Variants in METTL15 observed in about 807,000 individuals in gnomAD.
METTL15 encodes the protein 12S rRNA N(4)-cytidine methyltransferase METTL15.
In METTL15, 34 loss-of-function variants were observed where a neutral mutation model predicts 38.3. The observed-to-expected ratio is 0.89, with a 90% confidence interval of 0.68 to 1.18. The LOEUF is 1.18. Ranked by LOEUF, METTL15 falls within the 50% of genes most tolerant of loss-of-function variation. The probability of loss-of-function intolerance (pLI) is 0.00; values close to 1 mark genes in which losing one functional copy is unlikely to be tolerated. For missense variants in METTL15, 438 were observed against 498.4 expected, an observed-to-expected ratio of 0.88 and a Z score of 1.15; for synonymous variants, 162 against 170.9, an observed-to-expected ratio of 0.95 and a Z score of 0.41.
intron 5 of METTL15, among the ~76,000 whole-genome samples, chr11:28,366,762 T>C (rs889215670): frequency 2.6e-5 from 4 of 152,146 alleles, no homozygotes; most frequent in African/African-American, 9.7e-5. Flanking sequence ...TGCCAACCCA[T>C]ATTTAAATAG....
At chr11:28,165,713 T>TA (rs35905444) in intron 3 of METTL15, among the ~76,000 whole-genome samples, 17 of 151,188 alleles carry the variant, frequency 1.1e-4, no homozygotes, top group East Asian at 3.9e-4. Context: ...CAGGGTTGTA[T>TA]AAAAAAAAAA....
intron 4 of METTL15, among the ~76,000 whole-genome samples, chr11:28,359,907 T>C (rs1457264869): frequency 6.6e-6 from 1 of 152,208 alleles, no homozygotes; most frequent in African/African-American, 2.4e-5. Context: ...ACTTGAGTGA[T>C]TTTTGAGAGG....
intron 3 of METTL15, among the ~76,000 whole-genome samples, chr11:28,184,359 C>G (rs1354191390): frequency 6.6e-6 from 1 of 151,892 alleles, no homozygotes; most frequent in Non-Finnish European, 1.5e-5. Context: ...GTTAGAGTGT[C>G]AATTTTAGAT....
At position 28,478,787 on chromosome 11, in the gene METTL15, C is replaced by A. The variant is rs544049635; in HGVS notation, c.*425-47691C>A. Among the ~76,000 whole-genome samples, 6 of 152,182 alleles carry A rather than the reference C, an allele frequency of 3.9e-5. No homozygotes were observed. The South Asian group carries it at 6.2e-4, about 16-fold the overall frequency. ...CTATTATTGCTATTTTACAAATGAT[C>A]TTCTAGTTTTTGGGAGGTTCCAAGG... On this transcript the variant is annotated intron_variant and NMD_transcript_variant, in intron 6 of 7. Transcript: ENST00000532947.
chr11:28,361,155 A>C (rs1379763344), intron 4 of METTL15, among the ~76,000 whole-genome samples: 3 of 151,050 alleles, frequency 2.0e-5, no homozygotes, highest in African/African-American at 4.9e-5. Flanking sequence ...CATGATTTAT[A>C]GTCCTTTGGG....
chr11:28,209,840 T>G (rs1056827188), intron 3 of METTL15, among the ~76,000 whole-genome samples: 1 of 152,058 alleles, frequency 6.6e-6, no homozygotes, highest in Non-Finnish European at 1.5e-5. Context: ...GAATTTCCCT[T>G]GTTATGTACT....
At chr11:28,484,527 C>T (rs1268680562) in intron 6 of METTL15, among the ~76,000 whole-genome samples, 1 of 152,146 alleles carries the variant, frequency 6.6e-6, no homozygotes, top group African/African-American at 2.4e-5. Context: ...TGCCTTGCCC[C>T]TCCTTTTCTC....
chr11:28,330,688 T>C lies in METTL15; in HGVS notation c.1071T>C (p.Gly357=), dbSNP rs1261544629. 7 of 1,551,426 alleles carry C rather than the reference T, an allele frequency of 4.5e-6. No individual in the cohort carries two copies. The South Asian group carries it at 5.9e-5, about 13-fold the overall frequency. The change falls in exon 7 of 7, where the codon GGT becomes GGC. Residue 357 remains glycine (G), a synonymous_variant. Transcript: ENST00000407364. Reference sequence around the variant, plus strand: ...AAGTGATGAAAACATCTCAATTGGGTTCAGATCACGAAAACACGGAAGAAG... The same window carrying C: ...AAGTGATGAAAACATCTCAATTGGGCTCAGATCACGAAAACACGGAAGAAG... ...RQQVMKTSQL[G]SDHENTEEVS... is the part of the protein sequence containing the mutation.
intron 3 of METTL15, chr11:28,163,895 T>C (rs903882982): frequency 6.5e-6 from 1 of 152,752 alleles, no homozygotes; most frequent in Non-Finnish European, 1.5e-5. Flanking sequence ...ATTTTTCAAA[T>C]TATGATTTAT....
At chr11:28,531,175 C>G (rs944618468), downstream of METTL15, among the ~76,000 whole-genome samples, 1 of 151,990 alleles carries the variant, frequency 6.6e-6, no homozygotes, top group Non-Finnish European at 1.5e-5. Flanking sequence ...CAATTGATTA[C>G]TATATAATCT....
chr11:28,189,838 G>T (rs1384018862), intron 3 of METTL15, among the ~76,000 whole-genome samples: 1 of 151,200 alleles, frequency 6.6e-6, no homozygotes, highest in Non-Finnish European at 1.5e-5. Flanking sequence ...TCAACAAAAT[G>T]AAGGAAGTAA....
At chr11:28,191,970 G>A (rs999680311) in intron 3 of METTL15, among the ~76,000 whole-genome samples, 1 of 151,592 alleles carries the variant, frequency 6.6e-6, no homozygotes, top group Non-Finnish European at 1.5e-5. Flanking sequence ...GGTATACTCA[G>A]TGTTTATATA....
downstream of METTL15, among the ~76,000 whole-genome samples, chr11:28,528,510 CA>C (rs1418220293): frequency 1.3e-5 from 2 of 152,186 alleles, no homozygotes; most frequent in African/African-American, 4.8e-5. Context: ...TTACTGAGAA[CA>C]AACTGAACCC....
intron 6 of METTL15, among the ~76,000 whole-genome samples, chr11:28,483,087 A>C (rs997637160): frequency 2.0e-5 from 3 of 152,048 alleles, no homozygotes; most frequent in Non-Finnish European, 4.4e-5. Flanking sequence ...TGTATTTTTT[A>C]CTAGAAAAAA....
In METTL15 at chr11:28,471,455, T is replaced by G. The variant is rs146179140; in HGVS notation, c.*424+47091T>G. Among the ~76,000 whole-genome samples the G allele has an allele frequency of 3.3e-4, 50 of 152,302 alleles. No homozygotes were observed. In the East Asian group the frequency reaches 8.9e-3, roughly 27 times the overall value. On this transcript the variant is annotated intron_variant and NMD_transcript_variant, in intron 6 of 7. Transcript: ENST00000532947. ...GGAAAAGTCCAGTTCCTTTTTGTGA[T>G]CTGAATCAATAGAATAACTCATCAT...
At chr11:28,254,958 G>A (rs896049062) in intron 4 of METTL15, among the ~76,000 whole-genome samples, 43 of 152,034 alleles carry the variant, frequency 2.8e-4, no homozygotes, top group African/African-American at 9.2e-4. Flanking sequence ...GGACATTTGT[G>A]GTTCCATATA....
chr11:28,130,721 CACTTAA>C (rs1478081113), intron 3 of METTL15, among the ~76,000 whole-genome samples: 6 of 152,162 alleles, frequency 3.9e-5, no homozygotes, highest in South Asian at 2.1e-4. Flanking sequence ...TAAGTACAAA[CACTTAA>C]ACTTGACCAC....
intron 3 of METTL15, among the ~76,000 whole-genome samples, chr11:28,152,497 A>G (rs1850125475): frequency 6.6e-6 from 1 of 152,022 alleles, no homozygotes; most frequent in South Asian, 2.1e-4. Flanking sequence ...GACAGAGAAA[A>G]AGGGAAAAAA....
At chr11:28,314,559 A>G (rs1417441597) in intron 6 of METTL15, among the ~76,000 whole-genome samples, 2 of 152,238 alleles carry the variant, frequency 1.3e-5, no homozygotes, top group African/African-American at 4.8e-5. Flanking sequence ...TATGTGGCAA[A>G]TGGGCCTCAA....
Sources: gnomAD v4.1 joint callset for allele counts (sites outside exome capture counted in the v4.1 genomes callset) on GRCh38, gnomAD v4.1.1 for gene constraint, MANE v1.5 for transcripts, NCBI Gene and HGNC (gene_info 2026-07-23, HGNC 2026-07-21) for gene names.